Variants in MACROD2 observed in about 807,000 individuals in gnomAD.
MACROD2 encodes ADP-ribose glycohydrolase MACROD2.
Under a neutral mutation model 70.4 loss-of-function variants are expected in MACROD2, and 36 were observed. The observed-to-expected ratio is 0.51, with a 90% confidence interval of 0.39 to 0.68. The LOEUF (loss-of-function observed/expected upper bound fraction) is 0.68. Among genes scored for constraint, MACROD2 ranks in the 30% least tolerant of loss-of-function variants. The pLI is 0.00. For missense variants in MACROD2, 496 were observed against 538.4 expected (o/e 0.92, Z 0.78); for synonymous variants, 172 against 178.8 (o/e 0.96, Z 0.30).
At chr20:15,769,996 A>C (rs932024260) in intron 8 of MACROD2, among the ~76,000 whole-genome samples, 5 of 151,178 alleles carry the variant, frequency 3.3e-5, no homozygotes, top group African/African-American at 9.7e-5. Flanking sequence ...GCGCCCCCCC[A>C]CACATAATGA....
chr20:15,765,524 A>G (rs923126920), intron 8 of MACROD2, among the ~76,000 whole-genome samples: 7 of 152,224 alleles, frequency 4.6e-5, no homozygotes. Flanking sequence ...GCACAAGCAA[A>G]CTGAAATGAT....
intron 3 of MACROD2, among the ~76,000 whole-genome samples, chr20:14,475,865 A>G (rs1236390180): frequency 6.6e-6 from 1 of 151,834 alleles, no homozygotes; most frequent in African/African-American, 2.4e-5. Context: ...CACTACCCCA[A>G]GACCTTTCAG....
intron 3 of MACROD2, among the ~76,000 whole-genome samples, chr20:14,301,548 C>A (rs2082475368): frequency 6.6e-6 from 1 of 152,098 alleles, no homozygotes; most frequent in Non-Finnish European, 1.5e-5. Flanking sequence ...AAAAAATGTT[C>A]TTTTGAATTT....
chr20:15,097,959 C>G (rs2075846212), intron 5 of MACROD2, among the ~76,000 whole-genome samples: 1 of 152,160 alleles, frequency 6.6e-6, no homozygotes, highest in African/African-American at 2.4e-5. Flanking sequence ...AAGTTCATAA[C>G]AATCTTTATG....
intron 8 of MACROD2, among the ~76,000 whole-genome samples, chr20:15,540,783 T>C (rs1361221314): frequency 1.3e-5 from 2 of 152,210 alleles, no homozygotes; most frequent in Non-Finnish European, 1.5e-5. Context: ...TCTCCTGACT[T>C]CTGGCAGTTT....
intron 7 of MACROD2, among the ~76,000 whole-genome samples, chr20:15,485,697 G>C (rs139460482): frequency 6.6e-6 from 1 of 152,002 alleles, no homozygotes; most frequent in South Asian, 2.1e-4. Flanking sequence ...CCTGTCATTC[G>C]TCAAACACTT....
intron 15 of MACROD2, among the ~76,000 whole-genome samples, chr20:16,019,821 C>G (rs1292264770): frequency 1.3e-5 from 2 of 152,150 alleles, no homozygotes; most frequent in Non-Finnish European, 2.9e-5. Context: ...AACTCCTGCC[C>G]AAGGCCCGGC....
intron 7 of MACROD2, among the ~76,000 whole-genome samples, chr20:15,494,762 T>TGC (rs66832904): frequency 3.2e-5 from 4 of 124,832 alleles, no homozygotes; most frequent in South Asian, 2.5e-4. Flanking sequence ...TGTGTGTGTG[T>TGC]GCGCGTGTGT....
chr20:14,275,167 C>T (rs1314890776), intron 3 of MACROD2, among the ~76,000 whole-genome samples: 20 of 152,128 alleles, frequency 1.3e-4, no homozygotes, highest in East Asian at 9.6e-4. Flanking sequence ...GAGCCCGCAT[C>T]GCCAAGTCAA....
At chr20:14,623,136 CTG>C (rs1983929108) in intron 4 of MACROD2, 1 of 152,104 alleles carries the variant, frequency 6.6e-6, no homozygotes, top group Non-Finnish European at 1.5e-5. Flanking sequence ...CCAAAGTTCT[CTG>C]TAAGTTTGGC....
At chr20:15,299,955 TC>T (rs2146123866) in intron 6 of MACROD2, among the ~76,000 whole-genome samples, 1 of 152,288 alleles carries the variant, frequency 6.6e-6, no homozygotes, top group African/African-American at 2.4e-5. Context: ...ATCTAGCTTT[TC>T]TTTGGACAGG....
chr20:15,337,003 A>C (rs1205714554), intron 6 of MACROD2, among the ~76,000 whole-genome samples: 1 of 151,718 alleles, frequency 6.6e-6, no homozygotes, highest in Non-Finnish European at 1.5e-5. Flanking sequence ...TGTCTTTGAC[A>C]TAGTCTTCTC....
At position 14,697,702 on chromosome 20, in the gene MACROD2, G is replaced by T. The variant is rs79706099; in HGVS notation, c.418+12743G>T. ...GGGATCGATATTTTAAAGGCTGAAT[G>T]TGAGATGTTTCTATTTATTGTTCAT... On this transcript the variant is annotated intron_variant, in intron 5 of 17. Transcript: ENST00000684519. 5.4e-3 allele frequency among the ~76,000 whole-genome samples: 821 copies of T among 152,212 alleles called. 16 individuals carry two copies. The highest frequency in any genetic ancestry group is 0.019 in the African/African-American group (783 of 41,526).
rs570870323 is a variant in MACROD2 at position 15,233,265 on chromosome 20, A to C, written c.540+3204A>C. ...ATAATTAATTTTCTAATACATTAAT[A>C]TGAAGAAATTTATCAAATTACTTTT... On this transcript the variant is annotated intron_variant, in intron 6 of 17. Transcript: ENST00000684519. Among the ~76,000 whole-genome samples the C allele has an allele frequency of 3.9e-5, 6 of 152,316 alleles. No individual in the cohort carries two copies. The South Asian group carries it at 1.2e-3, about 32-fold the overall frequency.
In MACROD2 at chr20:15,021,262, C is replaced by CGCACACCTGTGTGTATACACACACG. The variant is rs2075179045; in HGVS notation, c.419-208678_419-208677insGCACACCTGTGTGTATACACACACG. On this transcript the variant is annotated intron_variant, in intron 5 of 17. Coordinates refer to ENST00000684519, the MANE Select transcript of MACROD2 (RefSeq NM_001351661.2). The stretch of plus-strand genomic sequence containing the variant: ...CACCTGTGTGTATGTATACACACAC[C>CGCACACCTGTGTGTATACACACACG]TGTGTGTGTGTATACGCACACCTGT... 3.4e-3 allele frequency among the ~76,000 whole-genome samples: 21 copies of CGCACACCTGTGTGTATACACACACG among 6,216 alleles called. 3 individuals are homozygous for CGCACACCTGTGTGTATACACACACG. In the Admixed American group the frequency reaches 0.036, roughly 11 times the overall value. 4.1% of individuals were successfully genotyped at this position (6,216 alleles called of 152,430 possible). A position where few individuals can be genotyped will look rare whatever the true frequency, so the allele number is the denominator to read the frequency against.
intron 3 of MACROD2, among the ~76,000 whole-genome samples, chr20:14,479,542 A>ATGC (rs1182987908): frequency 6.6e-6 from 1 of 152,136 alleles, no homozygotes; most frequent in Non-Finnish European, 1.5e-5. Context: ...CCCTGCAACT[A>ATGC]TGCTGTTCCT....
chr20:15,365,789 G>A (rs1216623984), intron 6 of MACROD2, among the ~76,000 whole-genome samples: 1 of 152,052 alleles, frequency 6.6e-6, no homozygotes, highest in Non-Finnish European at 1.5e-5. Context: ...TTAAAAAAGA[G>A]AAAATTGATT....
chr20:15,143,033 G>A (rs1017951515), intron 5 of MACROD2, among the ~76,000 whole-genome samples: 1 of 149,840 alleles, frequency 6.7e-6, no homozygotes, highest in Non-Finnish European at 1.5e-5. Context: ...ACCCAGTAAT[G>A]GGATGGCTGG....
chr20:14,712,193 A>G (rs1458070560), intron 5 of MACROD2, among the ~76,000 whole-genome samples: 1 of 152,134 alleles, frequency 6.6e-6, no homozygotes, highest in African/African-American at 2.4e-5. Context: ...GGAAATACAC[A>G]CTTATTTCAT....
Sources: allele counts gnomAD v4.1 joint callset (sites outside exome capture counted in the v4.1 genomes callset), GRCh38; gene constraint gnomAD v4.1.1; transcripts MANE v1.5; gene names NCBI Gene and HGNC (gene_info 2026-07-23, HGNC 2026-07-21).